The following JAK2 variants were observed in gnomAD, a reference collection of about 807,000 sequenced individuals.
The protein encoded by JAK2 is tyrosine-protein kinase JAK2.
A neutral mutation model predicts 139.3 loss-of-function variants in JAK2; 86 were observed. The ratio of observed to expected loss-of-function variants is 0.62; its 90% CI spans 0.52 to 0.74. JAK2 has a LOEUF of 0.74. Ranked by LOEUF, JAK2 falls within the 30% of genes least tolerant of loss-of-function variation. The pLI, the probability that JAK2 is intolerant of heterozygous loss-of-function variation, is 0.00. For missense variants in JAK2, 1,421 were observed against 1,360.3 expected, an observed-to-expected ratio of 1.04 and a Z score of -0.70; for synonymous variants, 490 against 437.7, an observed-to-expected ratio of 1.12 and a Z score of -1.49.
At position 5,054,010 on chromosome 9, in the gene JAK2, A is replaced by G. The variant is rs1354705781; in HGVS notation, c.615-553A>G. 6.6e-6 allele frequency among the ~76,000 whole-genome samples: 1 copy of G among 152,108 alleles called. No homozygotes were observed. The highest frequency in any genetic ancestry group is 1.5e-5 in the Non-Finnish European group (1 of 67,952). On this transcript the variant is annotated intron_variant, in intron 6 of 24. Transcript: ENST00000381652. The surrounding 1 kb of genome is among the most constrained non-coding windows in gnomAD (Gnocchi z 4.9). ...TTGTACATAGAGATGAATGTACAGA[A>G]AAGTCAGAATATTTCTAAATGGAAT...
chr9:5,101,473 C>G lies in JAK2; in HGVS notation c.3059+10562C>G, dbSNP rs550860843. ...GGGCAGGGCATAGCTGAAAAGGCAGCAGAAACTTCTGCAGACTTAAACGTC... is the reference window on the plus strand; with the variant it reads ...GGGCAGGGCATAGCTGAAAAGGCAGGAGAAACTTCTGCAGACTTAAACGTC... On this transcript the variant is annotated intron_variant, in intron 22 of 24. Transcript: ENST00000381652. Among the ~76,000 whole-genome samples, 13 of 152,386 alleles carry G rather than the reference C, an allele frequency of 8.5e-5. No individual in the cohort carries two copies. In the South Asian group the frequency reaches 2.7e-3, roughly 32 times the overall value.
At chr9:5,046,786 C>G (rs1239240005) in intron 5 of JAK2, among the ~76,000 whole-genome samples, 1 of 128,202 alleles carries the variant, frequency 7.8e-6, no homozygotes, top group East Asian at 2.0e-4. Flanking sequence ...CTAAGAATAG[C>G]CTTTTGAAAA....
chr9:5,057,124 G>C (rs1202299980), intron 8 of JAK2, among the ~76,000 whole-genome samples: 1 of 151,980 alleles, frequency 6.6e-6, no homozygotes, highest in African/African-American at 2.4e-5. Context: ...ATTATTTTAT[G>C]TTTTTCAGTA....
At chr9:5,117,948 A>T (rs1361329829) in intron 22 of JAK2, among the ~76,000 whole-genome samples, 1 of 152,196 alleles carries the variant, frequency 6.6e-6, no homozygotes, top group East Asian at 1.9e-4. Flanking sequence ...AATTTAGAAA[A>T]ACCACATCCT....
intron 22 of JAK2, among the ~76,000 whole-genome samples, chr9:5,095,924 G>T (rs1475636837): frequency 1.3e-5 from 2 of 152,112 alleles, no homozygotes; most frequent in Non-Finnish European, 2.9e-5. Context: ...TCTCACACTT[G>T]AAACAAATTA....
intron 2 of JAK2, among the ~76,000 whole-genome samples, chr9:4,988,581 C>G (rs994506380): frequency 2.6e-5 from 4 of 152,192 alleles, no homozygotes; most frequent in Non-Finnish European, 5.9e-5. Context: ...TTTTAGTTTG[C>G]TTTTCTGATA....
At chr9:5,064,050 G>A (rs1818387101) in intron 8 of JAK2, among the ~76,000 whole-genome samples, 1 of 152,014 alleles carries the variant, frequency 6.6e-6, no homozygotes, top group Non-Finnish European at 1.5e-5. Flanking sequence ...CAGCTTTTTG[G>A]GAGACTGAGA....
chr9:5,014,075 G>T (rs1821888254), intron 2 of JAK2, among the ~76,000 whole-genome samples: 1 of 151,640 alleles, frequency 6.6e-6, no homozygotes, highest in African/African-American at 2.4e-5. Context: ...TTGAAAATAT[G>T]AACTTTTAAA....
At chr9:5,031,964 C>T (rs1221932456) in intron 4 of JAK2, among the ~76,000 whole-genome samples, 9 of 152,236 alleles carry the variant, frequency 5.9e-5, no homozygotes, top group African/African-American at 1.2e-4. Flanking sequence ...GGCGAGGCAT[C>T]GCCACACCCG....
intron 14 of JAK2, among the ~76,000 whole-genome samples, chr9:5,077,228 T>C (rs988973119): frequency 6.7e-6 from 1 of 150,006 alleles, no homozygotes; most frequent in Non-Finnish European, 1.5e-5. Context: ...TTATGTTATA[T>C]ATAATAATAT....
At position 5,129,106 on chromosome 9, in the gene JAK2, A is replaced by G. The variant is rs576149440; in HGVS notation, c.*2315A>G. ...GTCAAGTGTAATTTTCATCACAACT[A>G]TAACTTCTGGTATTTAAATTTTATT... On this transcript the variant is annotated 3_prime_UTR_variant, in exon 25 of 25. Coordinates refer to ENST00000381652, the MANE Select transcript of JAK2 (RefSeq NM_004972.4). Among the ~76,000 whole-genome samples, 1 of 152,170 alleles carries G rather than the reference A, an allele frequency of 6.6e-6. No individual in the cohort carries two copies. Among genetic ancestry groups the G allele is most frequent in the South Asian group, 2.1e-4 (1 of 4,822 alleles).
intron 22 of JAK2, among the ~76,000 whole-genome samples, chr9:5,120,883 TCAG>T (rs1346004963): frequency 6.6e-6 from 1 of 152,178 alleles, no homozygotes; most frequent in African/African-American, 2.4e-5. Flanking sequence ...AACAAAATAA[TCAG>T]CAAGTTTTGG....
intron 4 of JAK2, among the ~76,000 whole-genome samples, chr9:5,030,632 G>A (rs1209646151): frequency 6.6e-6 from 1 of 152,034 alleles, no homozygotes; most frequent in African/African-American, 2.4e-5. Context: ...ATCCAAGCCT[G>A]GTTTGCTTCA....
intron 2 of JAK2, among the ~76,000 whole-genome samples, chr9:5,019,072 G>A (rs558117218): frequency 3.3e-5 from 5 of 152,088 alleles, no homozygotes; most frequent in Admixed American, 6.5e-5. Context: ...GGATCTCTGA[G>A]CTTCTGTATC....
In JAK2 at chr9:5,128,482, A is replaced by G. The variant is rs1037881572; in HGVS notation, c.*1691A>G. On this transcript the variant is annotated 3_prime_UTR_variant, in exon 25 of 25. Transcript: ENST00000381652. ...CTACCTTTCAAGTGAAAAATAGCCT[A>G]TCATACAATATGCTTGATTTCAGAT... is the stretch of plus-strand genomic sequence containing the variant. Among the ~76,000 whole-genome samples, 1 of 151,686 alleles carries G rather than the reference A, an allele frequency of 6.6e-6. No homozygotes were observed. Among genetic ancestry groups the G allele is most frequent in the Admixed American group, 6.6e-5 (1 of 15,258 alleles).
At chr9:5,112,050 G>C (rs1481093756) in intron 22 of JAK2, 8 of 409,034 alleles carry the variant, frequency 2.0e-5, no homozygotes, top group Non-Finnish European at 3.9e-5. Flanking sequence ...ACCCAGCTAC[G>C]ACGGGGGTCT....
intron 2 of JAK2, among the ~76,000 whole-genome samples, chr9:5,005,619 T>G: frequency 6.6e-6 from 1 of 152,196 alleles, no homozygotes; most frequent in East Asian, 1.9e-4. Flanking sequence ...TCCAGTGTAA[T>G]TTTTTTCCTT....
chr9:5,067,247 AACTG>A, intron 10 of JAK2, among the ~76,000 whole-genome samples: 1 of 152,260 alleles, frequency 6.6e-6, no homozygotes, highest in Non-Finnish European at 1.5e-5. Flanking sequence ...AAGCACTTTT[AACTG>A]ATGATTTTCT....
rs141453126 is a variant in JAK2 at position 5,028,272 on chromosome 9, G to A, written c.227-1511G>A. Reference sequence around the variant, plus strand: ...GAGCTCTTGGGTGACCAGGTGCATTGTCAATGAGTAATAATACTTGGACAG... The same window carrying A: ...GAGCTCTTGGGTGACCAGGTGCATTATCAATGAGTAATAATACTTGGACAG... On this transcript the variant is annotated intron_variant, in intron 3 of 24. Transcript: ENST00000381652. Among the ~76,000 whole-genome samples, 203 of 152,292 alleles carry A rather than the reference G, an allele frequency of 1.3e-3. 3 individuals carry two copies. The highest frequency in any genetic ancestry group is 4.5e-3 in the African/African-American group (187 of 41,568).
Sources: allele counts gnomAD v4.1 joint callset (sites outside exome capture counted in the v4.1 genomes callset), GRCh38; gene constraint gnomAD v4.1.1; non-coding constraint Gnocchi (gnomAD v3.1); transcripts MANE v1.5; gene names NCBI Gene and HGNC (gene_info 2026-07-23, HGNC 2026-07-21).